Variants in FREM2 observed in about 807,000 individuals in gnomAD.
The protein encoded by FREM2 is FRAS1-related extracellular matrix protein 2.
A neutral mutation model predicts 219.9 loss-of-function variants in FREM2; 119 were observed. That is an observed-to-expected ratio of 0.54 (90% CI 0.47 to 0.63). The LOEUF (loss-of-function observed/expected upper bound fraction) is 0.63. FREM2 is among the 30% of genes least tolerant of loss of function. The pLI is 0.00. For synonymous variants in FREM2, 1,562 were observed against 1,522.8 expected (o/e 1.03, Z -0.60); for missense variants, 4,030 against 3,993.6 (o/e 1.01, Z -0.25).
At position 38,874,501 on chromosome 13, in the gene FREM2, C is replaced by T. The variant is rs151062281; in HGVS notation, c.8196C>T (p.Ser2732=). 8.1e-4 allele frequency: 1,309 copies of T among 1,613,924 alleles called. No homozygotes were observed. The highest frequency in any genetic ancestry group is 1.1e-3 in the Non-Finnish European group (1,248 of 1,179,794). ...TTATAGGTTCTCTCTATCCAACCAGCATGCGCATCGGTGATGAGGGGCGCT... is the reference window on the plus strand; with the variant it reads ...TTATAGGTTCTCTCTATCCAACCAGTATGCGCATCGGTGATGAGGGGCGCT... ...AELQGSLYPT[S]MRIGDEGRLA... is the part of the protein sequence containing the mutation. Residue 2732 remains serine, a synonymous_variant, in exon 18 of 24, where the codon AGC becomes AGT. Coordinates refer to ENST00000280481, the MANE Select transcript of FREM2 (RefSeq NM_207361.6).
chr13:38,788,340 T>C (rs1593408518), intron 6 of FREM2, among the ~76,000 whole-genome samples: 1 of 152,128 alleles, frequency 6.6e-6, no homozygotes, highest in Non-Finnish European at 1.5e-5. Context: ...TAGTATTCCA[T>C]TGAATAAGAA....
chr13:38,739,146 AGAGT>A (rs762066209), intron 2 of FREM2, among the ~76,000 whole-genome samples: 2 of 152,200 alleles, frequency 1.3e-5, no homozygotes, highest in Non-Finnish European at 2.9e-5. Context: ...CAGAAATGGT[AGAGT>A]AGTAGTAGCA....
rs753924671 is a variant in FREM2, at chr13:38,784,677, T to C, written c.5888T>C (p.Ile1963Thr). The C allele has an allele frequency of 2.5e-6, 4 of 1,614,166 alleles. No individual in the cohort carries two copies. Among genetic ancestry groups the C allele is most frequent in the Non-Finnish European group, 8.5e-7 (1 of 1,180,004 alleles). The change falls in exon 6 of 24, where the codon ATA (isoleucine) becomes ACA (threonine). Residue 1963 changes from isoleucine (I) to threonine (T), a missense_variant. By Grantham distance (89) the Ile-to-Thr change is moderately conservative. Transcript: ENST00000280481. ...GATGAACGGGAGAAACTGTGTCGGA[T>C]AGTCATAATTGATGACTCTTTGTAC... is the stretch of plus-strand genomic sequence containing the variant. Reference protein sequence around the residue: ...DKDEREKLCRIVIIDDSLYEE... With the variant: ...DKDEREKLCRTVIIDDSLYEE...
At chr13:38,849,095 A>C (rs1377554746) in intron 8 of FREM2, among the ~76,000 whole-genome samples, 1 of 152,168 alleles carries the variant, frequency 6.6e-6, no homozygotes, top group African/African-American at 2.4e-5. Flanking sequence ...CCAGCCTACC[A>C]ATAAGGTCAC....
rs150211630 is a variant in FREM2, at chr13:38,773,281, A to C, written c.5641+3473A>C. On this transcript the variant is annotated intron_variant, in intron 4 of 23. Transcript: ENST00000280481. Reference sequence around the variant, plus strand: ...CTCACCCCCTGCCCCCATGCCTCCAAGTGTCTGTGGCTCTCTGGTTGGGAA... The same window carrying C: ...CTCACCCCCTGCCCCCATGCCTCCACGTGTCTGTGGCTCTCTGGTTGGGAA... Among the ~76,000 whole-genome samples the C allele has an allele frequency of 9.5e-3, 1,446 of 152,134 alleles. 29 individuals carry two copies. The highest frequency in any genetic ancestry group is 0.033 in the African/African-American group (1,381 of 41,510).
chr13:38,758,939 G>A (rs1328365153), intron 2 of FREM2, among the ~76,000 whole-genome samples: 1 of 152,132 alleles, frequency 6.6e-6, no homozygotes, highest in Non-Finnish European at 1.5e-5. Flanking sequence ...GGCCTGAGGT[G>A]GGAGGATCAC....
chr13:38,861,490 C>T lies in FREM2; in HGVS notation c.7579C>T (p.Arg2527Cys), dbSNP rs963299361. The change falls in exon 15 of 24, where the codon CGC becomes TGC. Residue 2527 changes from arginine to cysteine, a missense_variant. Arg to Cys is a radical substitution (Grantham distance 180). Around this residue, in one of 2 missense-constraint regions of FREM2, gnomAD observed 928 missense variants for 1,042.9 expected, o/e 0.89. Transcript: ENST00000280481. The part of the protein sequence containing the change: ...VGAEPFSAKL[R>C]YTGPEDADYT... ...AGCAGAGCCGTTCTCAGCTAAATTGCGCTACACAGGCCCTGAGGATGCAGA... is the reference window on the plus strand; with the variant it reads ...AGCAGAGCCGTTCTCAGCTAAATTGTGCTACACAGGCCCTGAGGATGCAGA... 1.1e-5 allele frequency: 17 copies of T among 1,608,356 alleles called. 1 individual carries two copies. The highest frequency in any genetic ancestry group is 8.9e-5 in the East Asian group (4 of 44,872).
intron 1 of FREM2, among the ~76,000 whole-genome samples, chr13:38,694,076 C>T (rs1870008658): frequency 1.3e-5 from 2 of 152,154 alleles, no homozygotes; most frequent in Admixed American, 1.3e-4. Context: ...TTTAAAAGGA[C>T]TATTTTGATG....
At chr13:38,766,459 A>G (rs1231315382) in intron 3 of FREM2, among the ~76,000 whole-genome samples, 1 of 152,206 alleles carries the variant, frequency 6.6e-6, no homozygotes, top group Non-Finnish European at 1.5e-5. Flanking sequence ...AACGGAATTC[A>G]TGCTAGGACC....
chr13:38,831,415 A>G (rs2137888785), intron 6 of FREM2, among the ~76,000 whole-genome samples: 1 of 152,290 alleles, frequency 6.6e-6, no homozygotes, highest in African/African-American at 2.4e-5. Context: ...TATCTTTTTG[A>G]AGAAAGACTC....
intron 2 of FREM2, among the ~76,000 whole-genome samples, chr13:38,701,843 T>C (rs985528887): frequency 6.6e-6 from 1 of 152,122 alleles, no homozygotes. Context: ...AGTAAAAATT[T>C]ATATTATGAT....
At chr13:38,737,674 A>G (rs1302493227) in intron 2 of FREM2, among the ~76,000 whole-genome samples, 2 of 152,332 alleles carry the variant, frequency 1.3e-5, no homozygotes, top group Admixed American at 1.3e-4. Flanking sequence ...AGTTGAATGG[A>G]ACCCTGAGAG....
At chr13:38,807,216 T>TATATAG in intron 6 of FREM2, among the ~76,000 whole-genome samples, 1 of 124,578 alleles carries the variant, frequency 8.0e-6, no homozygotes, top group Non-Finnish European at 1.7e-5. Flanking sequence ...TATATATATA[T>TATATAG]ATATATATAT....
At chr13:38,810,968 T>C (rs1398423637) in intron 6 of FREM2, among the ~76,000 whole-genome samples, 3 of 152,098 alleles carry the variant, frequency 2.0e-5, no homozygotes, top group Non-Finnish European at 1.5e-5. Flanking sequence ...AAACTTTTTA[T>C]TATGGCTTTA....
At position 38,687,349 on chromosome 13, in the gene FREM2, A is replaced by C; in HGVS notation, c.5A>C (p.His2Pro). 6.2e-7 allele frequency: 1 copy of C among 1,603,574 alleles called. No individual in the cohort carries two copies. Among genetic ancestry groups the C allele is most frequent in the Non-Finnish European group, 8.5e-7 (1 of 1,175,516 alleles). The change falls in exon 1 of 24, where the codon CAC becomes CCC. Residue 2 changes from histidine (H) to proline (P), a missense_variant. By Grantham distance (77) the His-to-Pro change is moderately conservative. This residue lies in a region of FREM2 where 3,102 missense variants were observed against 2,950.7 expected (regional missense o/e 1.05). Transcript: ENST00000280481. Reference sequence around the variant, plus strand: ...CCAAGCCCGAACACCGGGACCATGCACTCAGCCGGGACTCCCGGGTTATCC... The same window carrying C: ...CCAAGCCCGAACACCGGGACCATGCCCTCAGCCGGGACTCCCGGGTTATCC... Reference protein sequence around the residue: MHSAGTPGLSSR... With the variant: MPSAGTPGLSSR...
chr13:38,849,290 A>G (rs1418636439), intron 8 of FREM2, among the ~76,000 whole-genome samples: 1 of 152,226 alleles, frequency 6.6e-6, no homozygotes, highest in East Asian at 1.9e-4. Flanking sequence ...TGATGTCATC[A>G]GTATCTTGAT....
intron 4 of FREM2, among the ~76,000 whole-genome samples, chr13:38,771,564 A>G (rs1593397148): frequency 1.3e-5 from 2 of 152,260 alleles, no homozygotes; most frequent in Middle Eastern, 6.8e-3. Flanking sequence ...CACACCCCAC[A>G]TACACAGCCC....
At chr13:38,738,257 A>T (rs1018029319) in intron 2 of FREM2, among the ~76,000 whole-genome samples, 2 of 152,112 alleles carry the variant, frequency 1.3e-5, no homozygotes, top group African/African-American at 2.4e-5. Flanking sequence ...ATCTAGACAG[A>T]CATGTGCAAT....
intron 6 of FREM2, among the ~76,000 whole-genome samples, chr13:38,785,226 G>T (rs1047663862): frequency 3.3e-5 from 5 of 152,138 alleles, no homozygotes; most frequent in African/African-American, 9.7e-5. Flanking sequence ...GGGCAAGGCT[G>T]TTAAATGAAT....
Sources: allele counts gnomAD v4.1 joint callset (sites outside exome capture counted in the v4.1 genomes callset), GRCh38; gene constraint gnomAD v4.1.1; regional missense constraint gnomAD v4.1.1; transcripts MANE v1.5; gene names NCBI Gene and HGNC (gene_info 2026-07-23, HGNC 2026-07-21).